Variants in MTSS2 observed in about 807,000 individuals in gnomAD.
The protein encoded by MTSS2 is protein MTSS 2.
Under a neutral mutation model 67.1 loss-of-function variants are expected in MTSS2, and 27 were observed. The ratio of observed to expected loss-of-function variants is 0.40; its 90% CI spans 0.30 to 0.55. The LOEUF (loss-of-function observed/expected upper bound fraction) is 0.55. Among genes scored for constraint, MTSS2 ranks in the 20% least tolerant of loss-of-function variants. The pLI, the probability that MTSS2 is intolerant of heterozygous loss-of-function variation, is 0.43. For synonymous variants in MTSS2, 624 were observed against 468.6 expected (o/e 1.33, Z -4.28); for missense variants, 1,171 against 1,067.8 (o/e 1.10, Z -1.35).
intron 9 of MTSS2, 93 bp downstream of exon 9, chr16:70,677,699 G>A: frequency 2.0e-6 from 2 of 980,748 alleles, no homozygotes; most frequent in Non-Finnish European, 3.1e-6. Flanking sequence ...TCCCCCAAAT[G>A]CCATCCTCTT....
rs147403859 is a variant in MTSS2, at chr16:70,664,037, C to A, written c.1884G>T (p.Pro628=). The change falls in exon 15 of 15, where the codon CCG becomes CCT. Residue 628 remains proline (P), a synonymous_variant. Coordinates refer to ENST00000338779, the MANE Select transcript of MTSS2 (RefSeq NM_138383.3). ...YTDETASPLA[P]DLAKASPKRL... ...TCTTTGGGGAGGCCTTGGCGAGGTC[C>A]GGTGCCAGGGGTGAGGCGGTCTCGT... is the stretch of plus-strand genomic sequence containing the variant. The A allele has an allele frequency of 1.2e-6, 2 of 1,608,764 alleles. No individual in the cohort carries two copies. The highest frequency in any genetic ancestry group is 3.4e-5 in the Admixed American group (2 of 59,558).
chr16:70,679,523 G>T (rs1242083533), intron 6 of MTSS2, 107 bp downstream of exon 6: 2 of 1,330,364 alleles, frequency 1.5e-6, no homozygotes, highest in African/African-American at 1.5e-5. Context: ...CTGTGTCGGG[G>T]ACAGCGCCCC....
rs1196091917 is a variant in MTSS2 at position 70,661,366 on chromosome 16, A to G, written c.*2311T>C. 4 of 200,326 alleles carry G rather than the reference A, an allele frequency of 2.0e-5. No homozygotes were observed. The highest frequency in any genetic ancestry group is 3.7e-5 in the Non-Finnish European group (4 of 107,196). 12.4% of individuals were successfully genotyped at this position (200,326 alleles called of 1,614,324 possible). A position where few individuals can be genotyped will look rare whatever the true frequency, so the allele number is the denominator to read the frequency against. On this transcript the variant is annotated 3_prime_UTR_variant, in exon 15 of 15. Transcript: ENST00000338779. ...GAAAGAAAAGAAACAAATGGTTCAG[A>G]TGGGACGGAGGGTGGGGGAGGGGGG...
chr16:70,663,589 G>C lies in MTSS2; in HGVS notation c.*88C>G, dbSNP rs538087075. Reference sequence around the variant, plus strand: ...CTGCCCTGGCTCTGTCCTCTCTCCTGGCTGGGCCTTTGCTCTGAGTGCCTG... The same window carrying C: ...CTGCCCTGGCTCTGTCCTCTCTCCTCGCTGGGCCTTTGCTCTGAGTGCCTG... On this transcript the variant is annotated 3_prime_UTR_variant, in exon 15 of 15. Transcript: ENST00000338779. 8.4e-5 allele frequency: 122 copies of C among 1,454,990 alleles called. 1 individual carries two copies. The Middle Eastern group carries it at 1.1e-3, about 13-fold the overall frequency. 90.1% of individuals were successfully genotyped at this position (1,454,990 alleles called of 1,614,324 possible). A position where few individuals can be genotyped will look rare whatever the true frequency, so the allele number is the denominator to read the frequency against.
Position 70,664,606 on chromosome 16 carries a change from G to A in MTSS2, c.1463C>T (p.Pro488Leu), listed in dbSNP as rs1383376982. The change falls in exon 14 of 15, where the codon CCC becomes CTC. Residue 488 changes from proline to leucine, a missense_variant. Pro to Leu is a moderately conservative substitution (Grantham distance 98). This residue lies in a region of MTSS2 where 924 missense variants were observed against 756.0 expected (regional missense o/e 1.22). Transcript: ENST00000338779. ...TTPSCSEDTI[P>L]SQGSDYDCYS... ...CAGCCCCGCGGGCCTGCCTTGGGAG[G>A]GGATGGTGTCCTCAGAGCAGGAGGG... 4.3e-6 allele frequency: 7 copies of A among 1,612,338 alleles called. No individual in the cohort carries two copies. Among genetic ancestry groups the A allele is most frequent in the Non-Finnish European group, 5.9e-6 (7 of 1,179,476 alleles).
chr16:70,679,041 G>A (rs980653107), intron 7 of MTSS2, among the ~76,000 whole-genome samples: 7 of 152,214 alleles, frequency 4.6e-5, no homozygotes, highest in African/African-American at 1.7e-4. Context: ...AGCCTGGTGG[G>A]GGCGGGGCAG....
intron 1 of MTSS2, 90 bp downstream of exon 1, chr16:70,685,633 G>A (rs1439135926): frequency 5.8e-5 from 43 of 746,994 alleles, no homozygotes; most frequent in Non-Finnish European, 7.0e-5. Context: ...GCGGCGCGCG[G>A]CCACACGAGG....
intron 1 of MTSS2, 128 bp from the exon 2 acceptor site, chr16:70,681,153 A>C: frequency 1.2e-6 from 1 of 825,618 alleles, no homozygotes; most frequent in Non-Finnish European, 1.9e-6. Flanking sequence ...TGCCCCATGG[A>C]GAGGGAGGCT....
At chr16:70,678,844 G>A (rs191324744) in intron 7 of MTSS2, among the ~76,000 whole-genome samples, 2 of 152,294 alleles carry the variant, frequency 1.3e-5, no homozygotes, top group African/African-American at 4.8e-5. Flanking sequence ...GGGGGCGGGG[G>A]CCAGGAGAGC....
In MTSS2 at chr16:70,662,435, T is replaced by TG; in HGVS notation, c.*1241dup. 1 of 152,330 alleles carries TG rather than the reference T, an allele frequency of 6.6e-6. No homozygotes were observed. The highest frequency in any genetic ancestry group is 1.5e-5 in the Non-Finnish European group (1 of 68,084). 9.4% of individuals were successfully genotyped at this position (152,330 alleles called of 1,614,324 possible). A position where few individuals can be genotyped will look rare whatever the true frequency, so the allele number is the denominator to read the frequency against. ...CTGCCACCACGAGCCTGGACTACAG[T>TG]GGGGGCCGTGCTGGGATGGCATCTC... On this transcript the variant is annotated 3_prime_UTR_variant, in exon 15 of 15. Transcript: ENST00000338779.
At chr16:70,679,935 C>T in intron 4 of MTSS2, 36 bp downstream of exon 4, 3 of 1,496,032 alleles carry the variant, frequency 2.0e-6, no homozygotes, top group South Asian at 2.5e-5. Flanking sequence ...ACGCCCCGTC[C>T]CCCCGCCCCC....
rs199694980 is a variant in MTSS2 at position 70,668,068 on chromosome 16, C to CA, written c.1054-2529dup. Among the ~76,000 whole-genome samples the CA allele has an allele frequency of 2.6e-3, 381 of 147,082 alleles. 1 individual carries two copies. Among genetic ancestry groups the CA allele is most frequent in the Middle Eastern group, 0.014 (4 of 288 alleles). ...GGGCCGAAAATAGACAAAGCGGTACCAAAAAAAAATAACCAAGCTAGGGGA... is the reference window on the plus strand; with the variant it reads ...GGGCCGAAAATAGACAAAGCGGTACCAAAAAAAAAATAACCAAGCTAGGGGA... On this transcript the variant is annotated intron_variant, in intron 11 of 14. Coordinates refer to ENST00000338779, the MANE Select transcript of MTSS2 (RefSeq NM_138383.3).
Position 70,677,793 on chromosome 16 carries a change from T to C in MTSS2, c.731A>G (p.Gln244Arg). 1 of 1,607,594 alleles carries C rather than the reference T, an allele frequency of 6.2e-7. No individual in the cohort carries two copies. Among genetic ancestry groups the C allele is most frequent in the Non-Finnish European group, 8.5e-7 (1 of 1,177,594 alleles). ...EPHKLPPASE[Q>R]VIKDLKGSDY... ...CCCTTGGCCAGAGGGCTCCCGCACC[T>C]GCTCGCTGGCGGGAGGCAGTTTGTG... The change falls in exon 9 of 15, where the codon CAG becomes CGG. Residue 244 changes from glutamine to arginine, a missense_variant and splice_region_variant. Gln to Arg is a conservative substitution (Grantham distance 43). Around this residue, in one of 2 missense-constraint regions of MTSS2, gnomAD observed 924 missense variants for 756.0 expected, o/e 1.22. Transcript: ENST00000338779.
At chr16:70,685,684 C>T (rs2053433579) in intron 1 of MTSS2, 39 bp downstream of exon 1, 4 of 1,233,722 alleles carry the variant, frequency 3.2e-6, no homozygotes, top group South Asian at 4.0e-5. Flanking sequence ...GGGTCCCGCA[C>T]CCGTCGCCGC....
At chr16:70,665,773 C>T (rs2052692955) in intron 11 of MTSS2, 1 of 449,910 alleles carries the variant, frequency 2.2e-6, no homozygotes, top group Non-Finnish European at 4.0e-6. Flanking sequence ...CAGCCCAGCC[C>T]TGCGCATTTT....
At chr16:70,665,679 C>T (rs1275510832) in intron 11 of MTSS2, 139 bp from the exon 12 acceptor site, 1 of 685,074 alleles carries the variant, frequency 1.5e-6, no homozygotes, top group African/African-American at 1.8e-5. Context: ...CACCCACCCC[C>T]CCTACCCCAG....
intron 1 of MTSS2, 33 bp downstream of exon 1, chr16:70,685,690 G>A: frequency 8.0e-7 from 1 of 1,252,814 alleles, no homozygotes; most frequent in Admixed American, 2.9e-5. Context: ...CGCACCCGTC[G>A]CCGCGCGCCC....
chr16:70,675,129 A>G (rs2053075220), intron 10 of MTSS2, among the ~76,000 whole-genome samples: 1 of 150,182 alleles, frequency 6.7e-6, no homozygotes. Flanking sequence ...AAAAGAAACA[A>G]GAAACAGTTG....
Position 70,664,154 on chromosome 16 carries a change from G to A in MTSS2, c.1767C>T (p.Pro589=), listed in dbSNP as rs2052603238. The part of the protein sequence containing the change: ...SSAGPIPIRP[P]IVPVKTPTVP... Reference sequence around the variant, plus strand: ...CCGTGGGCGTCTTCACAGGGACGATGGGCGGCCGGATGGGGATGGGGCCAG... The same window carrying A: ...CCGTGGGCGTCTTCACAGGGACGATAGGCGGCCGGATGGGGATGGGGCCAG... Residue 589 remains proline, a synonymous_variant, in exon 15 of 15, where the codon CCC becomes CCT. Coordinates refer to ENST00000338779, the MANE Select transcript of MTSS2 (RefSeq NM_138383.3). 1.2e-6 allele frequency: 2 copies of A among 1,607,870 alleles called. No homozygotes were observed. The highest frequency in any genetic ancestry group is 1.3e-5 in the African/African-American group (1 of 74,914).
Sources: gnomAD v4.1 joint callset for allele counts (sites outside exome capture counted in the v4.1 genomes callset) on GRCh38, gnomAD v4.1.1 for gene constraint, gnomAD v4.1.1 regional missense constraint, MANE v1.5 for transcripts, NCBI Gene and HGNC (gene_info 2026-07-23, HGNC 2026-07-21) for gene names.